Variants in TRAF6 observed in about 807,000 individuals in gnomAD.
TRAF6 encodes the protein TNF receptor-associated factor 6.
A neutral mutation model predicts 48.4 loss-of-function variants in TRAF6; 10 were observed. That is an observed-to-expected ratio of 0.21 (90% CI 0.13 to 0.35). TRAF6 has a LOEUF of 0.35. Among genes scored for constraint, TRAF6 ranks in the 10% least tolerant of loss-of-function variants. TRAF6 has a pLI of 1.00. For synonymous variants in TRAF6, 186 were observed against 219.6 expected (o/e 0.85, Z 1.35); for missense variants, 397 against 661.0 (o/e 0.60, Z 4.38).
intron 1 of TRAF6, among the ~76,000 whole-genome samples, chr11:36,508,549 A>G (rs1195808711): frequency 6.6e-6 from 1 of 152,192 alleles, no homozygotes; most frequent in African/African-American, 2.4e-5. Context: ...AAAGAAGTCA[A>G]CAAGTTATGT....
rs1859477404 is a variant in TRAF6, at chr11:36,485,953, A to G, written c.*3885T>C. 6.6e-6 allele frequency among the ~76,000 whole-genome samples: 1 copy of G among 152,132 alleles called. No individual in the cohort carries two copies. The highest frequency in any genetic ancestry group is 1.5e-5 in the Non-Finnish European group (1 of 68,032). Reference sequence around the variant, plus strand: ...AGCACACTTCAAAATAAAAATATAAATGACTACTTATGGCTCCTTTTCATT... The same window carrying G: ...AGCACACTTCAAAATAAAAATATAAGTGACTACTTATGGCTCCTTTTCATT... On this transcript the variant is annotated 3_prime_UTR_variant, in exon 7 of 7. Coordinates refer to ENST00000526995, the MANE Select transcript of TRAF6 (RefSeq NM_004620.4).
At chr11:36,506,887 A>C (rs1019518125) in intron 1 of TRAF6, among the ~76,000 whole-genome samples, 2 of 152,132 alleles carry the variant, frequency 1.3e-5, no homozygotes, top group Admixed American at 1.3e-4. Context: ...ATGTAACTAG[A>C]CATAAAGGGA....
chr11:36,490,466 C>T lies in TRAF6; in HGVS notation c.941G>A (p.Arg314Gln). ...GRLVRQDHQI[R>Q]ELTAKMETQS... is the part of the protein sequence containing the mutation. ...AGTTTCCATTTTAGCAGTCAGCTCC[C>T]GGATTTGATGGTCTTGTCTTACAAG... The change falls in exon 7 of 7, where the codon CGG (arginine) becomes CAG (glutamine). Residue 314 changes from arginine to glutamine, a missense_variant. Physicochemically the swap from Arg to Gln is conservative, Grantham distance 43. Transcript: ENST00000526995. This position sits in a 1 kb window ranked among gnomAD's most constrained non-coding sequence, Gnocchi z 6.4. 3 of 1,613,552 alleles carry T rather than the reference C, an allele frequency of 1.9e-6. No individual in the cohort carries two copies. Among genetic ancestry groups the T allele is most frequent in the Non-Finnish European group, 2.5e-6 (3 of 1,180,030 alleles).
At chr11:36,506,432 A>C (rs1224555483) in intron 1 of TRAF6, among the ~76,000 whole-genome samples, 2 of 152,012 alleles carry the variant, frequency 1.3e-5, no homozygotes, top group Non-Finnish European at 2.9e-5. Context: ...TTTTTTTTTA[A>C]GTAAAATCAC....
At position 36,489,555 on chromosome 11, in the gene TRAF6, A is replaced by C; in HGVS notation, c.*283T>G. ...AATACACCAGAGCAAAAGCCCAAGA[A>C]AGTACAACAAAGAGGTATACTAACT... On this transcript the variant is annotated 3_prime_UTR_variant, in exon 7 of 7. Transcript: ENST00000526995. 2.6e-6 allele frequency: 1 copy of C among 390,456 alleles called. No individual in the cohort carries two copies. The highest frequency in any genetic ancestry group is 4.6e-6 in the Non-Finnish European group (1 of 218,790). 24.2% of individuals were successfully genotyped at this position (390,456 alleles called of 1,614,324 possible).
At chr11:36,496,909 C>T (rs1157946281) in intron 4 of TRAF6, among the ~76,000 whole-genome samples, 199 bp downstream of exon 4, 1 of 152,150 alleles carries the variant, frequency 6.6e-6, no homozygotes, top group African/African-American at 2.4e-5. Flanking sequence ...TTAAGAAAGA[C>T]ATGCAAAACA....
Position 36,486,308 on chromosome 11 carries a change from G to C in TRAF6, c.*3530C>G, listed in dbSNP as rs537850838. Among the ~76,000 whole-genome samples the C allele has an allele frequency of 6.6e-6, 1 of 152,162 alleles. No individual in the cohort carries two copies. The highest frequency in any genetic ancestry group is 1.9e-4 in the East Asian group (1 of 5,178). ...CCAGCCTCCACCTCCCAAAGTGCTG[G>C]GATTATAGGCGTGAGCCACCGTGCC... is the stretch of plus-strand genomic sequence containing the variant. On this transcript the variant is annotated 3_prime_UTR_variant, in exon 7 of 7. Transcript: ENST00000526995.
rs919933726 is a variant in TRAF6 at position 36,486,930 on chromosome 11, A to G, written c.*2908T>C. On this transcript the variant is annotated 3_prime_UTR_variant, in exon 7 of 7. Coordinates refer to ENST00000526995, the MANE Select transcript of TRAF6 (RefSeq NM_004620.4). ...ATGGTGAAACCCGGTCTCTACTCAA[A>G]ATACAAAAAAATTAGCTGGGCGTGG... 2.0e-5 allele frequency: 3 copies of G among 152,140 alleles called. No homozygotes were observed. Among genetic ancestry groups the G allele is most frequent in the African/African-American group, 7.3e-5 (3 of 41,316 alleles). The allele number at this position is 152,140 out of a possible 1,614,324, so 9.4% of individuals were successfully genotyped here.
At chr11:36,497,881 T>A (rs944095216) in intron 3 of TRAF6, among the ~76,000 whole-genome samples, 1 of 151,614 alleles carries the variant, frequency 6.6e-6, no homozygotes, top group East Asian at 1.9e-4. Context: ...ATGTGACACT[T>A]GTATTTTTTT....
At position 36,485,895 on chromosome 11, in the gene TRAF6, C is replaced by T. The variant is rs1859476125; in HGVS notation, c.*3943G>A. ...AGACAGAAACAGAGAAACTAACTTA[C>T]AGTCCATCATGTCAATCTGGGAGTT... On this transcript the variant is annotated 3_prime_UTR_variant, in exon 7 of 7. Transcript: ENST00000526995. Among the ~76,000 whole-genome samples, 1 of 152,164 alleles carries T rather than the reference C, an allele frequency of 6.6e-6. No individual in the cohort carries two copies. The highest frequency in any genetic ancestry group is 1.5e-5 in the Non-Finnish European group (1 of 68,046).
At chr11:36,506,266 A>G (rs777571079) in intron 1 of TRAF6, among the ~76,000 whole-genome samples, 3 of 152,148 alleles carry the variant, frequency 2.0e-5, no homozygotes, top group Admixed American at 6.5e-5. Flanking sequence ...GTTGGATCAG[A>G]GGGTATGTAA....
chr11:36,501,642 T>A (rs1476534427), intron 1 of TRAF6, 105 bp from the exon 2 acceptor site: 32 of 853,244 alleles, frequency 3.8e-5, no homozygotes, highest in Non-Finnish European at 5.3e-5. Context: ...TTAATTCATG[T>A]ACATCAGCTG....
At chr11:36,506,122 A>C (rs1260070424) in intron 1 of TRAF6, among the ~76,000 whole-genome samples, 1 of 128,560 alleles carries the variant, frequency 7.8e-6, no homozygotes, top group Admixed American at 9.2e-5. Context: ...GGTTGACATA[A>C]ATCTTCAATA....
intron 4 of TRAF6, 90 bp from the exon 5 acceptor site, chr11:36,495,137 T>A: frequency 2.2e-6 from 2 of 915,702 alleles, no homozygotes; most frequent in Non-Finnish European, 3.5e-6. Context: ...TTTTTCACTA[T>A]AAACAAATAA....
chr11:36,492,494 T>C (rs1859576842), intron 6 of TRAF6, 57 bp downstream of exon 6: 3 of 1,316,698 alleles, frequency 2.3e-6, no homozygotes, highest in Non-Finnish European at 3.2e-6. Context: ...CTCCACTACA[T>C]GATGTAAATA....
Position 36,489,716 on chromosome 11 carries a change from A to C in TRAF6, c.*122T>G. 1 of 1,098,744 alleles carries C rather than the reference A, an allele frequency of 9.1e-7. No homozygotes were observed. The highest frequency in any genetic ancestry group is 1.3e-6 in the Non-Finnish European group (1 of 754,938). 68.1% of individuals were successfully genotyped at this position (1,098,744 alleles called of 1,614,324 possible). Reference sequence around the variant, plus strand: ...GAAGAAATAGTAAGTGACCTCTCTAACAACACTCACTAGTAGATATTACAT... The same window carrying C: ...GAAGAAATAGTAAGTGACCTCTCTACCAACACTCACTAGTAGATATTACAT... On this transcript the variant is annotated 3_prime_UTR_variant, in exon 7 of 7. Transcript: ENST00000526995.
chr11:36,493,116 T>G (rs912370708), intron 5 of TRAF6, among the ~76,000 whole-genome samples: 1 of 152,180 alleles, frequency 6.6e-6, no homozygotes, highest in Non-Finnish European at 1.5e-5. Context: ...GCTGGGCATA[T>G]TTTAGCTACA....
intron 1 of TRAF6, among the ~76,000 whole-genome samples, chr11:36,508,881 A>G (rs1859849920): frequency 6.6e-6 from 1 of 152,210 alleles, no homozygotes; most frequent in Admixed American, 6.5e-5. Context: ...TAAGTGTCCA[A>G]AAGTTTACCG....
In TRAF6 at chr11:36,485,763, T is replaced by C. The variant is rs569331042; in HGVS notation, c.*4075A>G. Among the ~76,000 whole-genome samples, 2 of 152,152 alleles carry C rather than the reference T, an allele frequency of 1.3e-5. No individual in the cohort carries two copies. Among genetic ancestry groups the C allele is most frequent in the South Asian group, 4.1e-4 (2 of 4,834 alleles). On this transcript the variant is annotated 3_prime_UTR_variant, in exon 7 of 7. Coordinates refer to ENST00000526995, the MANE Select transcript of TRAF6 (RefSeq NM_004620.4). ...TCCGTTTTTGACTGAAAGTGAAGGC[T>C]GTAATTGAGTGTCACAGTCTGCCAA...
Sources: gnomAD v4.1 joint callset for allele counts (sites outside exome capture counted in the v4.1 genomes callset) on GRCh38, gnomAD v4.1.1 for gene constraint, Gnocchi (gnomAD v3.1) non-coding constraint, MANE v1.5 for transcripts, NCBI Gene and HGNC (gene_info 2026-07-23, HGNC 2026-07-21) for gene names.